Variants in CFI observed in about 807,000 individuals in gnomAD.
The protein encoded by CFI is complement factor I, also known as C3B/C4B inactivator.
A neutral mutation model predicts 78.8 loss-of-function variants in CFI; 66 were observed. The ratio of observed to expected loss-of-function variants is 0.84; its 90% CI spans 0.69 to 1.03. CFI has a LOEUF of 1.03. Among genes scored for constraint, CFI ranks in the 50% least tolerant of loss-of-function variants. The probability of loss-of-function intolerance (pLI) is 0.00; values close to 1 mark genes in which losing one functional copy is unlikely to be tolerated. For synonymous variants in CFI, 250 were observed against 232.6 expected (o/e 1.07, Z -0.68); for missense variants, 706 against 704.5 (o/e 1.00, Z -0.02).
In CFI at chr4:109,741,035, A is replaced by G; in HGVS notation, c.1610T>C (p.Val537Ala). The G allele has an allele frequency of 6.2e-7, 1 of 1,614,244 alleles. No individual in the cohort carries two copies. The highest frequency in any genetic ancestry group is 8.5e-7 in the Non-Finnish European group (1 of 1,180,028). ...GPLVCMDANN[V>A]TYVWGVVSWG... ...ACTCACAACACCCCAGACATAAGTC[A>G]CATTGTTGGCATCCATACAGACTAA... The change falls in exon 13 of 13, where the codon GTG becomes GCG. Residue 537 changes from valine (V) to alanine (A), a missense_variant. Transcript: ENST00000394634.
intron 1 of CFI, among the ~76,000 whole-genome samples, chr4:109,791,484 C>T (rs975543104): frequency 1.3e-5 from 2 of 152,096 alleles, no homozygotes; most frequent in South Asian, 2.1e-4. Flanking sequence ...GTTGTGATTG[C>T]TTTTGGTGTC....
the CFI span, among the ~76,000 whole-genome samples, chr4:109,731,814 T>C: frequency 6.6e-6 from 1 of 152,236 alleles, no homozygotes; most frequent in African/African-American, 2.4e-5. Context: ...TGTGACAGTA[T>C]CTACTCCAAA....
intron 1 of CFI, among the ~76,000 whole-genome samples, chr4:109,778,553 C>A (rs1268715674): frequency 6.6e-6 from 1 of 152,116 alleles, no homozygotes; most frequent in Non-Finnish European, 1.5e-5. Flanking sequence ...ACCAGAGGTA[C>A]AAAGAAGAGC....
intron 1 of CFI, among the ~76,000 whole-genome samples, chr4:109,787,441 C>T (rs1433977745): frequency 1.3e-5 from 2 of 152,014 alleles, no homozygotes; most frequent in Non-Finnish European, 2.9e-5. Context: ...CTGGGAGCAG[C>T]CCTGCTTTTG....
At chr4:109,775,984 G>A (rs562007466) in intron 1 of CFI, among the ~76,000 whole-genome samples, 5 of 152,152 alleles carry the variant, frequency 3.3e-5, no homozygotes, top group African/African-American at 7.2e-5. Context: ...CCATCTGTAC[G>A]TCACCATCAT....
downstream of CFI, among the ~76,000 whole-genome samples, chr4:109,738,434 C>T (rs1164330846): frequency 6.6e-6 from 1 of 152,150 alleles, no homozygotes; most frequent in African/African-American, 2.4e-5. Context: ...TTATCTCATA[C>T]ACAGACATAT....
chr4:109,789,159 T>A (rs893382292), intron 1 of CFI, among the ~76,000 whole-genome samples: 4 of 151,696 alleles, frequency 2.6e-5, no homozygotes, highest in Admixed American at 1.3e-4. Flanking sequence ...AATAAAATTT[T>A]AAAAAATAAA....
At chr4:109,801,636 G>T (rs574052380) in intron 1 of CFI, among the ~76,000 whole-genome samples, 1 of 152,166 alleles carries the variant, frequency 6.6e-6, no homozygotes, top group South Asian at 2.1e-4. Context: ...AAATATTTTT[G>T]ATTTACTACA....
chr4:109,764,009 A>G (rs1727406401), intron 3 of CFI, among the ~76,000 whole-genome samples: 1 of 148,594 alleles, frequency 6.7e-6, no homozygotes. Flanking sequence ...TATATAAGCT[A>G]TATATAAATT....
intron 1 of CFI, among the ~76,000 whole-genome samples, chr4:109,798,777 A>C (rs551559669): frequency 1.3e-5 from 2 of 151,550 alleles, no homozygotes; most frequent in South Asian, 4.2e-4. Flanking sequence ...GACTTTTCTA[A>C]ACTACTTTTG....
chr4:109,738,784 A>G (rs1432458641), downstream of CFI, among the ~76,000 whole-genome samples: 3 of 152,206 alleles, frequency 2.0e-5, no homozygotes, highest in African/African-American at 7.2e-5. Context: ...GGCACCAAAC[A>G]CATGAGTGAA....
chr4:109,757,362 GTCC>G (rs1726454965), intron 7 of CFI, among the ~76,000 whole-genome samples: 1 of 152,050 alleles, frequency 6.6e-6, no homozygotes, highest in Non-Finnish European at 1.5e-5. Flanking sequence ...AAAAAGGGTG[GTCC>G]CAAAGAGCTA....
At chr4:109,797,676 A>G (rs1378172279) in intron 1 of CFI, among the ~76,000 whole-genome samples, 1 of 152,230 alleles carries the variant, frequency 6.6e-6, no homozygotes, top group African/African-American at 2.4e-5. Flanking sequence ...AGAAGTTAAT[A>G]TCTATCTAAA....
Position 109,766,800 on chromosome 4 carries a change from GAT to G in CFI, c.80_81del (p.Asp27AlafsTer18), listed in dbSNP as rs886043418. Reference protein sequence around the residue: ...FCKVTYTSQEDLVEKKCLAKK... With the variant: ...FCKVTYTSQEXLVEKKCLAKK... ...TTTGCTAAGCACTTTTTCTCCACCA[GAT>G]CCTCTTGAGATGTATAAGTGACCTG... On this transcript the variant is annotated frameshift_variant, in exon 2 of 13. Transcript: ENST00000394634. LOFTEE classifies it high-confidence loss of function. 1 of 1,614,120 alleles carries G rather than the reference GAT, an allele frequency of 6.2e-7. No homozygotes were observed. Among genetic ancestry groups the G allele is most frequent in the Admixed American group, 1.7e-5 (1 of 60,026 alleles).
intron 10 of CFI, among the ~76,000 whole-genome samples, chr4:109,748,645 T>C (rs968435242): frequency 1.3e-5 from 2 of 152,074 alleles, no homozygotes. Context: ...AGGGGGCAAA[T>C]GCACTTGAGT....
chr4:109,794,733 C>T (rs1279638018), intron 1 of CFI, among the ~76,000 whole-genome samples: 1 of 152,152 alleles, frequency 6.6e-6, no homozygotes, highest in Non-Finnish European at 1.5e-5. Context: ...GCAGAGGTTG[C>T]AGTGAGCCAA....
At chr4:109,797,475 G>A (rs1292946129) in intron 1 of CFI, among the ~76,000 whole-genome samples, 3 of 152,076 alleles carry the variant, frequency 2.0e-5, no homozygotes, top group African/African-American at 7.2e-5. Context: ...AAAACTTTTA[G>A]AATAAAACAT....
At chr4:109,787,416 C>T (rs575300736) in intron 1 of CFI, among the ~76,000 whole-genome samples, 16 of 151,868 alleles carry the variant, frequency 1.1e-4, no homozygotes, top group Non-Finnish European at 1.9e-4. Flanking sequence ...TGGAGCTGCC[C>T]GTTTTGCATT....
intron 1 of CFI, among the ~76,000 whole-genome samples, chr4:109,787,484 T>C (rs1355147073): frequency 6.6e-6 from 1 of 152,068 alleles, no homozygotes; most frequent in Non-Finnish European, 1.5e-5. Context: ...CCCCACAAAC[T>C]CCTTAACAGC....
Sources: gnomAD v4.1 joint callset for allele counts (sites outside exome capture counted in the v4.1 genomes callset) on GRCh38, gnomAD v4.1.1 for gene constraint, MANE v1.5 for transcripts, NCBI Gene and HGNC (gene_info 2026-07-23, HGNC 2026-07-21) for gene names.